NXPE2: variants seen among roughly 807,000 people sequenced by gnomAD.
NXPE2 encodes the protein NXPE family member 2.
A neutral mutation model predicts 34.4 loss-of-function variants in NXPE2; 34 were observed. The observed-to-expected ratio is 0.99, with a 90% CI of 0.75 to 1.31. The LOEUF (loss-of-function observed/expected upper bound fraction) is 1.31. Ranked by LOEUF, NXPE2 falls within the 40% of genes most tolerant of loss-of-function variation. The pLI, the probability that NXPE2 is intolerant of heterozygous loss-of-function variation, is 0.00. For synonymous variants in NXPE2, 235 were observed against 231.3 expected, an observed-to-expected ratio of 1.02 and a Z score of -0.15; for missense variants, 649 against 672.5, an observed-to-expected ratio of 0.97 and a Z score of 0.39.
the NXPE2 span, among the ~76,000 whole-genome samples, chr11:114,621,716 A>G: frequency 3.3e-5 from 5 of 152,226 alleles, no homozygotes; most frequent in Admixed American, 1.3e-4. Flanking sequence ...GTGGATCATA[A>G]TGATTGCCCT....
the NXPE2 span, among the ~76,000 whole-genome samples, chr11:114,610,045 C>T: frequency 3.2e-4 from 48 of 151,822 alleles, no homozygotes; most frequent in East Asian, 1.8e-3. Context: ...CACTTTTCCC[C>T]GGTGGATAAT....
the NXPE2 span, among the ~76,000 whole-genome samples, chr11:114,605,644 A>T: frequency 8.2e-5 from 11 of 134,098 alleles, no homozygotes; most frequent in East Asian, 4.5e-4. Flanking sequence ...GGGTAACCAC[A>T]GTTAGCTGGT....
At chr11:114,538,248 G>C in the NXPE2 span, among the ~76,000 whole-genome samples, 45 of 152,172 alleles carry the variant, frequency 3.0e-4, no homozygotes, top group South Asian at 2.1e-4. Flanking sequence ...GAAACTGGAT[G>C]CCTTCCTTAC....
the NXPE2 span, among the ~76,000 whole-genome samples, chr11:114,742,485 A>T: frequency 6.6e-6 from 1 of 151,844 alleles, no homozygotes; most frequent in Non-Finnish European, 1.5e-5. Context: ...CTGAGTGCTC[A>T]CTCATGCCCC....
the NXPE2 span, among the ~76,000 whole-genome samples, chr11:114,767,339 CA>C: frequency 6.6e-6 from 1 of 152,122 alleles, no homozygotes; most frequent in African/African-American, 2.4e-5. Flanking sequence ...CAGTGGAGCT[CA>C]AAGAACTTCC....
intron 2 of NXPE2, among the ~76,000 whole-genome samples, chr11:114,695,542 T>G (rs1280601476): frequency 6.6e-6 from 1 of 152,096 alleles, no homozygotes; most frequent in African/African-American, 2.4e-5. Flanking sequence ...TTCTCCTTGT[T>G]AAGGAGAACA....
the NXPE2 span, among the ~76,000 whole-genome samples, chr11:114,793,097 A>G: frequency 7.2e-5 from 11 of 152,340 alleles, no homozygotes; most frequent in East Asian, 1.9e-3. Context: ...CACTAGTGAT[A>G]CAGAACAGGT....
At chr11:114,565,148 T>C in the NXPE2 span, among the ~76,000 whole-genome samples, 1 of 152,214 alleles carries the variant, frequency 6.6e-6, no homozygotes, top group Non-Finnish European at 1.5e-5. Context: ...AAACATAATT[T>C]GTCCTTAAAT....
At chr11:114,486,928 G>T in the NXPE2 span, among the ~76,000 whole-genome samples, 2 of 152,048 alleles carry the variant, frequency 1.3e-5, no homozygotes, top group Admixed American at 6.5e-5. Flanking sequence ...GTCAGGCAAT[G>T]TGATTTCTCC....
At chr11:114,581,429 T>C in the NXPE2 span, among the ~76,000 whole-genome samples, 15 of 152,076 alleles carry the variant, frequency 9.9e-5, no homozygotes, top group Non-Finnish European at 1.6e-4. Flanking sequence ...GGTAAAGAAG[T>C]GGGTATAGAA....
At chr11:114,547,684 G>A in the NXPE2 span, among the ~76,000 whole-genome samples, 15 of 152,272 alleles carry the variant, frequency 9.9e-5, no homozygotes, top group South Asian at 2.5e-3. Context: ...GCAGTGAGCC[G>A]AGATGGCACT....
At chr11:114,636,362 T>G in the NXPE2 span, among the ~76,000 whole-genome samples, 10 of 152,074 alleles carry the variant, frequency 6.6e-5, no homozygotes, top group Non-Finnish European at 1.2e-4. Flanking sequence ...CTTTTTTTCT[T>G]TATTAGTCTG....
At chr11:114,594,339 AAAAC>A in the NXPE2 span, among the ~76,000 whole-genome samples, 1 of 152,202 alleles carries the variant, frequency 6.6e-6, no homozygotes, top group East Asian at 1.9e-4. Flanking sequence ...TTAAAAATTA[AAAAC>A]AAACAAATGA....
chr11:114,632,704 A>T, the NXPE2 span, among the ~76,000 whole-genome samples: 2 of 79,318 alleles, frequency 2.5e-5, no homozygotes, highest in Non-Finnish European at 4.3e-5. Flanking sequence ...ATATTTATAT[A>T]ATATAATATA....
chr11:114,667,323 T>A, the NXPE2 span, among the ~76,000 whole-genome samples: 3 of 152,302 alleles, frequency 2.0e-5, no homozygotes, highest in South Asian at 6.2e-4. Flanking sequence ...TAATTATATT[T>A]AATAACTAAA....
At chr11:114,550,905 G>C in the NXPE2 span, among the ~76,000 whole-genome samples, 2 of 152,142 alleles carry the variant, frequency 1.3e-5, no homozygotes, top group Non-Finnish European at 2.9e-5. Context: ...GGAATGGACT[G>C]AGGATGAATG....
the NXPE2 span, among the ~76,000 whole-genome samples, chr11:114,648,982 A>T: frequency 6.6e-6 from 1 of 152,232 alleles, no homozygotes. Flanking sequence ...CACACAATAC[A>T]AATATATTTT....
chr11:114,804,464 C>A, the NXPE2 span, among the ~76,000 whole-genome samples: 1 of 152,196 alleles, frequency 6.6e-6, no homozygotes, highest in Non-Finnish European at 1.5e-5. Flanking sequence ...AATTAACTTG[C>A]CATTCATTGT....
At chr11:114,566,222 A>ATG in the NXPE2 span, among the ~76,000 whole-genome samples, 16 of 151,868 alleles carry the variant, frequency 1.1e-4, no homozygotes, top group African/African-American at 3.9e-4. Context: ...AATCATCGAT[A>ATG]GTATTTAAGC....
Sources: gnomAD v4.1 joint callset for allele counts (sites outside exome capture counted in the v4.1 genomes callset) on GRCh38, gnomAD v4.1.1 for gene constraint, MANE v1.5 for transcripts, NCBI Gene and HGNC (gene_info 2026-07-23, HGNC 2026-07-21) for gene names.